ATP13A4: variants seen among roughly 807,000 people sequenced by gnomAD.
The protein encoded by ATP13A4 is ATPase 13A4.
A neutral mutation model predicts 142.5 loss-of-function variants in ATP13A4; 114 were observed. The ratio of observed to expected loss-of-function variants is 0.80; its 90% CI spans 0.69 to 0.93. The LOEUF (loss-of-function observed/expected upper bound fraction) is 0.93, where lower values mean the gene tolerates loss of function less well. Among genes scored for constraint, ATP13A4 ranks in the 40% least tolerant of loss-of-function variants. The pLI, the probability that ATP13A4 is intolerant of heterozygous loss-of-function variation, is 0.00. For missense variants in ATP13A4, 1,392 were observed against 1,454.0 expected (o/e 0.96, Z 0.69); for synonymous variants, 488 against 514.8 (o/e 0.95, Z 0.70).
chr3:193,480,529 G>T (rs1179476456), intron 8 of ATP13A4, among the ~76,000 whole-genome samples: 1 of 152,088 alleles, frequency 6.6e-6, no homozygotes, highest in Admixed American at 6.6e-5. Context: ...ATGAAAAAGT[G>T]CTCAGCATCA....
intron 3 of ATP13A4, among the ~76,000 whole-genome samples, chr3:193,494,816 A>T (rs1720135448): frequency 2.0e-5 from 3 of 152,050 alleles, no homozygotes; most frequent in South Asian, 4.1e-4. Flanking sequence ...AAAAAACCCA[A>T]AGAGCTGGAT....
intron 2 of ATP13A4, among the ~76,000 whole-genome samples, chr3:193,511,971 C>A (rs1721163994): frequency 6.6e-6 from 1 of 151,890 alleles, no homozygotes; most frequent in Non-Finnish European, 1.5e-5. Context: ...TTCCTCTTAC[C>A]TATTTTCCTC....
intron 25 of ATP13A4, among the ~76,000 whole-genome samples, chr3:193,420,639 TTTAGGAAAA>T (rs963086759): frequency 6.7e-5 from 10 of 149,234 alleles, no homozygotes; most frequent in East Asian, 4.2e-4. Flanking sequence ...ATTCAGCAAA[TTTAGGAAAA>T]TTAGGAAAAT....
At chr3:193,488,807 G>C (rs950452838) in intron 7 of ATP13A4, among the ~76,000 whole-genome samples, 11 of 152,160 alleles carry the variant, frequency 7.2e-5, no homozygotes, top group Non-Finnish European at 2.9e-5. Context: ...TTGTTTTTAA[G>C]TTGGGAGAAC....
chr3:193,474,453 T>C (rs1718818335), intron 8 of ATP13A4, among the ~76,000 whole-genome samples: 1 of 151,316 alleles, frequency 6.6e-6, no homozygotes, highest in Admixed American at 6.6e-5. Flanking sequence ...GGAGGATTAC[T>C]TGGGACCAGG....
At chr3:193,458,049 G>C (rs1435378242) in intron 14 of ATP13A4, among the ~76,000 whole-genome samples, 3 of 152,168 alleles carry the variant, frequency 2.0e-5, no homozygotes, top group Non-Finnish European at 4.4e-5. Context: ...AGAGAAAACT[G>C]CAATCCCTAT....
At chr3:193,549,494 A>AT (rs564128616) in intron 1 of ATP13A4, among the ~76,000 whole-genome samples, 1 of 151,608 alleles carries the variant, frequency 6.6e-6, no homozygotes, top group African/African-American at 2.4e-5. Context: ...GGAAAGTCTA[A>AT]TTTTTTTTAA....
At chr3:193,484,059 GTAT>G in intron 7 of ATP13A4, 54 bp from the exon 8 acceptor site, 1 of 1,442,060 alleles carries the variant, frequency 6.9e-7, no homozygotes, top group Non-Finnish European at 9.8e-7. Context: ...TAGTTTCTAG[GTAT>G]TATTAAGGTG....
intron 2 of ATP13A4, chr3:193,578,911 T>G (rs1020951708): frequency 2.4e-5 from 5 of 205,534 alleles, no homozygotes. Flanking sequence ...CCTTAATTAT[T>G]TCCTCCTATC....
intron 2 of ATP13A4, among the ~76,000 whole-genome samples, chr3:193,561,563 G>A (rs951141419): frequency 3.3e-5 from 5 of 152,124 alleles, no homozygotes; most frequent in African/African-American, 9.7e-5. Context: ...TGTACATGTC[G>A]TTCAGTGTCC....
At chr3:193,520,460 GC>G (rs1021174959) in intron 1 of ATP13A4, among the ~76,000 whole-genome samples, 2 of 152,132 alleles carry the variant, frequency 1.3e-5, no homozygotes, top group African/African-American at 4.8e-5. Context: ...TAGGATTTTT[GC>G]TTTTTCTTTC....
intron 1 of ATP13A4, among the ~76,000 whole-genome samples, chr3:193,592,028 G>A (rs1392039248): frequency 1.3e-5 from 2 of 151,640 alleles, no homozygotes; most frequent in South Asian, 4.2e-4. Flanking sequence ...TCAATGGCTA[G>A]GTCTACTCTT....
intron 2 of ATP13A4, 57 bp downstream of exon 2, chr3:193,514,641 A>G (rs1721309875): frequency 6.3e-7 from 1 of 1,590,562 alleles, no homozygotes; most frequent in Non-Finnish European, 8.6e-7. Context: ...CCATCCCGTA[A>G]CACATTGTCC....
chr3:193,578,174 T>A, intron 2 of ATP13A4, among the ~76,000 whole-genome samples: 1 of 151,928 alleles, frequency 6.6e-6, no homozygotes, highest in East Asian at 1.9e-4. Flanking sequence ...TGTGCTGTAA[T>A]CCCAACTACT....
Position 193,465,054 on chromosome 3 carries a change from A to G in ATP13A4, c.1347T>C (p.Ala449=), listed in dbSNP as rs1359409042. 4 of 1,614,020 alleles carry G rather than the reference A, an allele frequency of 2.5e-6. No homozygotes were observed. Among genetic ancestry groups the G allele is most frequent in the African/African-American group, 1.3e-5 (1 of 74,916 alleles). Residue 449 remains alanine (A), a synonymous_variant, in exon 12 of 30, where the codon GCT becomes GCC. Coordinates refer to ENST00000342695, the MANE Select transcript of ATP13A4 (RefSeq NM_032279.4). The stretch of plus-strand genomic sequence containing the variant: ...GGGCATAGATAATGCCTGTGGTCAG[A>G]GCAGCAGGTAGAGCCGGAGGAACCG... The part of the protein sequence containing the change: ...TIAVPPALPA[A]LTTGIIYAQR...
intron 25 of ATP13A4, among the ~76,000 whole-genome samples, chr3:193,431,110 T>C (rs1019549643): frequency 3.3e-5 from 5 of 152,094 alleles, no homozygotes; most frequent in African/African-American, 1.2e-4. Context: ...AGGATGACTC[T>C]AGTTATTTGA....
chr3:193,579,859 C>T (rs556270452), intron 2 of ATP13A4, among the ~76,000 whole-genome samples: 13 of 152,260 alleles, frequency 8.5e-5, no homozygotes, highest in African/African-American at 2.9e-4. Context: ...TCTAAGTGCC[C>T]ATACGTTAAC....
intron 19 of ATP13A4, among the ~76,000 whole-genome samples, 186 bp downstream of exon 19, chr3:193,442,207 C>T (rs560645904): frequency 2.0e-5 from 3 of 152,166 alleles, no homozygotes; most frequent in Non-Finnish European, 2.9e-5. Context: ...ATTTCCAGCA[C>T]ACAGGAAAGC....
chr3:193,471,341 T>A (rs1718611564), intron 8 of ATP13A4, among the ~76,000 whole-genome samples: 1 of 152,052 alleles, frequency 6.6e-6, no homozygotes, highest in South Asian at 2.1e-4. Flanking sequence ...TGCGGGAGAA[T>A]CACTTGAGCC....
Sources: gnomAD v4.1 joint callset for allele counts (sites outside exome capture counted in the v4.1 genomes callset) on GRCh38, gnomAD v4.1.1 for gene constraint, MANE v1.5 for transcripts, NCBI Gene and HGNC (gene_info 2026-07-23, HGNC 2026-07-21) for gene names.